The following TYW1B variants were observed in gnomAD, a reference collection of about 807,000 sequenced individuals.
TYW1B encodes the protein tRNA-yW synthesizing protein 1 homolog B, also known as S-adenosyl-L-methionine-dependent tRNA 4-demethylwyosine synthase TYW1B.
TYW1B carries 73 observed loss-of-function variants against 86.9 expected under a neutral mutation model. The observed-to-expected ratio is 0.84, with a 90% CI of 0.70 to 1.02. TYW1B has a LOEUF of 1.02. Among genes scored for constraint, TYW1B ranks in the 50% least tolerant of loss-of-function variants. The pLI is 0.00. For missense variants in TYW1B, 637 were observed against 827.4 expected, an observed-to-expected ratio of 0.77 and a Z score of 2.82; for synonymous variants, 248 against 292.8, an observed-to-expected ratio of 0.85 and a Z score of 1.56.
intron 6 of TYW1B, among the ~76,000 whole-genome samples, chr7:72,791,141 C>G (rs1554473292): frequency 2.0e-5 from 3 of 152,102 alleles, no homozygotes; most frequent in Non-Finnish European, 4.4e-5. Flanking sequence ...CGCTATGGAA[C>G]GTCTGTAAAC....
At chr7:72,822,562 A>C (rs1181580891) in intron 2 of TYW1B, among the ~76,000 whole-genome samples, 1 of 152,236 alleles carries the variant, frequency 6.6e-6, no homozygotes, top group Non-Finnish European at 1.5e-5. Flanking sequence ...GCTGGAAGAC[A>C]ATGAAGCTAC....
chr7:72,707,121 GC>G (rs1397556263), intron 10 of TYW1B, among the ~76,000 whole-genome samples: 1 of 152,222 alleles, frequency 6.6e-6, no homozygotes, highest in Non-Finnish European at 1.5e-5. Flanking sequence ...AAGTGCCCCT[GC>G]CCTGTAGATC....
chr7:72,759,487 C>T (rs1340864388), intron 7 of TYW1B, among the ~76,000 whole-genome samples: 4 of 152,120 alleles, frequency 2.6e-5, no homozygotes, highest in African/African-American at 2.4e-5. Flanking sequence ...TTTCCCAGGA[C>T]TATAGAAGGC....
chr7:72,730,954 T>G (rs1304211427), intron 8 of TYW1B, among the ~76,000 whole-genome samples: 2 of 146,176 alleles, frequency 1.4e-5, no homozygotes, highest in Admixed American at 1.4e-4. Context: ...AAAGCCTCCT[T>G]GAGACACATT....
Position 72,827,244 on chromosome 7 carries a change from C to A in TYW1B, c.5-259G>T, listed in dbSNP as rs182284876. Among the ~76,000 whole-genome samples, 1,007 of 152,110 alleles carry A rather than the reference C, an allele frequency of 6.6e-3. 15 individuals carry two copies. Among genetic ancestry groups the A allele is most frequent in the African/African-American group, 0.021 (869 of 41,488 alleles). On this transcript the variant is annotated intron_variant, in intron 1 of 13. Coordinates refer to ENST00000620995, the MANE Select transcript of TYW1B (RefSeq NM_001145440.3). Reference sequence around the variant, plus strand: ...CCAACATGGTGAAACCCCGCCTCTACTAAAAATACAAAAATTAGCCGGGCA... The same window carrying A: ...CCAACATGGTGAAACCCCGCCTCTAATAAAAATACAAAAATTAGCCGGGCA...
At chr7:72,711,657 A>G (rs1180604195) in intron 10 of TYW1B, among the ~76,000 whole-genome samples, 2 of 149,360 alleles carry the variant, frequency 1.3e-5, no homozygotes, top group African/African-American at 4.9e-5. Context: ...TATTATTTGT[A>G]TTTGTATTTT....
intron 11 of TYW1B, among the ~76,000 whole-genome samples, chr7:72,679,513 C>T (rs553026601): frequency 6.6e-6 from 1 of 152,078 alleles, no homozygotes; most frequent in Admixed American, 6.6e-5. Flanking sequence ...AAAAGAAAAA[C>T]AGGTTGCAGG....
intron 2 of TYW1B, among the ~76,000 whole-genome samples, chr7:72,822,482 C>T (rs1304615063): frequency 6.6e-6 from 1 of 152,140 alleles, no homozygotes; most frequent in African/African-American, 2.4e-5. Context: ...AAGAAATGAT[C>T]CGAAAATCTT....
intron 10 of TYW1B, among the ~76,000 whole-genome samples, chr7:72,695,944 C>CT (rs1282008891): frequency 9.0e-6 from 1 of 111,014 alleles, no homozygotes; most frequent in Non-Finnish European, 1.7e-5. Flanking sequence ...TATACTTTTT[C>CT]TTTTCTTTTT....
chr7:72,576,931 AG>A (rs1811036996), intron 13 of TYW1B, among the ~76,000 whole-genome samples: 1 of 152,080 alleles, frequency 6.6e-6, no homozygotes, highest in South Asian at 2.1e-4. Flanking sequence ...GTTCAAGACT[AG>A]CCTGGCCAAC....
chr7:72,689,525 T>A (rs1205785221), intron 11 of TYW1B, among the ~76,000 whole-genome samples: 3 of 152,142 alleles, frequency 2.0e-5, no homozygotes, highest in African/African-American at 4.8e-5. Flanking sequence ...GGAAGGATGC[T>A]GGGACATCAC....
At chr7:72,796,611 A>T (rs1337204227) in intron 6 of TYW1B, among the ~76,000 whole-genome samples, 1 of 151,660 alleles carries the variant, frequency 6.6e-6, no homozygotes, top group African/African-American at 2.4e-5. Flanking sequence ...AATTGTTCCA[A>T]GTTTGGCCTG....
intron 8 of TYW1B, among the ~76,000 whole-genome samples, chr7:72,737,692 T>C (rs539020429): frequency 2.2e-3 from 333 of 152,314 alleles, no homozygotes; most frequent in African/African-American, 7.6e-3. Context: ...ATGGCTAACA[T>C]ACTTTTGTCT....
intron 7 of TYW1B, among the ~76,000 whole-genome samples, chr7:72,748,042 G>A (rs1321193281): frequency 2.0e-5 from 3 of 152,240 alleles, no homozygotes; most frequent in Non-Finnish European, 4.4e-5. Flanking sequence ...AGGCCAAGGC[G>A]GGTGGATCAC....
chr7:72,678,531 A>G (rs1302002777), intron 11 of TYW1B, among the ~76,000 whole-genome samples: 1 of 151,998 alleles, frequency 6.6e-6, no homozygotes, highest in Admixed American at 6.6e-5. Flanking sequence ...TCCTGGGAGG[A>G]TTATAAAATA....
chr7:72,640,463 C>G (rs1812776678), intron 11 of TYW1B, among the ~76,000 whole-genome samples: 3 of 149,686 alleles, frequency 2.0e-5, no homozygotes, highest in Non-Finnish European at 1.5e-5. Context: ...TATAAAGATA[C>G]AAAAAAGGCT....
intron 13 of TYW1B, among the ~76,000 whole-genome samples, chr7:72,591,735 A>G (rs1468467088): frequency 1.3e-5 from 2 of 152,232 alleles, no homozygotes; most frequent in Admixed American, 6.5e-5. Flanking sequence ...TGCATGAAGA[A>G]GTAAAGATCA....
chr7:72,794,568 G>A (rs1554474178), intron 6 of TYW1B, among the ~76,000 whole-genome samples: 1 of 151,466 alleles, frequency 6.6e-6, no homozygotes, highest in Non-Finnish European at 1.5e-5. Context: ...AAAAAAAAAA[G>A]GTATACTTCT....
rs1428149182 is a variant in TYW1B at position 72,574,680 on chromosome 7, G to A, written c.*818C>T. 1 of 985,452 alleles carries A rather than the reference G, an allele frequency of 1.0e-6. No individual in the cohort carries two copies. The highest frequency in any genetic ancestry group is 1.2e-6 in the Non-Finnish European group (1 of 829,948). The allele number at this position is 985,452 out of a possible 1,614,324, so 61.0% of individuals were successfully genotyped here. On this transcript the variant is annotated 3_prime_UTR_variant, in exon 14 of 14. Transcript: ENST00000620995. ...AGCGAGGGCCACAGGAGTCAAAGAA[G>A]ATGGAGACCCGCCGTCTGGTCGTGA... is the stretch of plus-strand genomic sequence containing the variant.
Sources: gnomAD v4.1 joint callset for allele counts (sites outside exome capture counted in the v4.1 genomes callset) on GRCh38, gnomAD v4.1.1 for gene constraint, MANE v1.5 for transcripts, NCBI Gene and HGNC (gene_info 2026-07-23, HGNC 2026-07-21) for gene names.